The following SGCZ variants were observed in gnomAD, a reference collection of about 807,000 sequenced individuals.
The protein encoded by SGCZ is sarcoglycan zeta, also known as zeta-sarcoglycan.
In SGCZ, 40 loss-of-function variants were observed where a neutral mutation model predicts 41.3. The observed-to-expected ratio is 0.97, with a 90% CI of 0.75 to 1.26. The LOEUF is 1.26. Among genes scored for constraint, SGCZ ranks in the 50% most tolerant of loss-of-function variants. The pLI is 0.00. For missense variants in SGCZ, 552 were observed against 369.8 expected (o/e 1.49, Z -4.04); for synonymous variants, 206 against 137.5 (o/e 1.50, Z -3.49).
intron 1 of SGCZ, among the ~76,000 whole-genome samples, chr8:15,024,850 G>A (rs891368134): frequency 6.6e-6 from 1 of 151,964 alleles, no homozygotes; most frequent in African/African-American, 2.4e-5. Context: ...GCAGGAGAAT[G>A]GCGTGAACCC....
At chr8:14,293,549 T>C (rs1286722747) in intron 3 of SGCZ, among the ~76,000 whole-genome samples, 1 of 151,944 alleles carries the variant, frequency 6.6e-6, no homozygotes, top group Non-Finnish European at 1.5e-5. Flanking sequence ...GATACATATG[T>C]CAATAATTTC....
chr8:14,916,139 T>C (rs1799430078), intron 1 of SGCZ, among the ~76,000 whole-genome samples: 1 of 152,172 alleles, frequency 6.6e-6, no homozygotes, highest in South Asian at 2.1e-4. Context: ...GCAGATAAAT[T>C]TTTTAAATCA....
At chr8:15,038,414 T>G (rs1803945891) in intron 1 of SGCZ, among the ~76,000 whole-genome samples, 1 of 151,876 alleles carries the variant, frequency 6.6e-6, no homozygotes, top group South Asian at 2.1e-4. Flanking sequence ...TGCAGAACAA[T>G]GAAACTAGAC....
intron 1 of SGCZ, among the ~76,000 whole-genome samples, chr8:14,675,647 G>C (rs188772404): frequency 9.9e-4 from 150 of 152,228 alleles, no homozygotes; most frequent in African/African-American, 3.6e-3. Flanking sequence ...AAAATGTGAT[G>C]AGCAAAAACA....
chr8:14,185,694 G>GTTTT (rs1804881314), intron 4 of SGCZ, among the ~76,000 whole-genome samples: 2 of 151,448 alleles, frequency 1.3e-5, no homozygotes, highest in Non-Finnish European at 2.9e-5. Context: ...GTTTTGTTTT[G>GTTTT]GTCTATATCC....
intron 3 of SGCZ, among the ~76,000 whole-genome samples, chr8:14,267,840 A>G (rs1799926863): frequency 6.6e-6 from 1 of 151,968 alleles, no homozygotes; most frequent in African/African-American, 2.4e-5. Flanking sequence ...TGTTTATCTC[A>G]TATTCTTTGC....
At chr8:14,863,139 T>C (rs968928224) in intron 1 of SGCZ, among the ~76,000 whole-genome samples, 2 of 152,094 alleles carry the variant, frequency 1.3e-5, no homozygotes, top group African/African-American at 4.8e-5. Context: ...CAGCCAGGAA[T>C]GGGCAGTGCA....
chr8:14,909,254 G>T (rs1346837961), intron 1 of SGCZ, among the ~76,000 whole-genome samples: 4 of 152,132 alleles, frequency 2.6e-5, no homozygotes. Context: ...ATTATGACTT[G>T]TTAGATTGTG....
At chr8:14,347,998 C>A (rs1329522424) in intron 2 of SGCZ, among the ~76,000 whole-genome samples, 3 of 152,086 alleles carry the variant, frequency 2.0e-5, no homozygotes, top group Non-Finnish European at 2.9e-5. Flanking sequence ...TCCCTTGCAT[C>A]ATGCACGCTT....
Position 14,661,315 on chromosome 8 carries a change from A to T in SGCZ, c.40-106389T>A, listed in dbSNP as rs144079208. ...TTCCATCTGTCATAATTTCAACTAT[A>T]AATATATGAATGCATTTGGACAACC... On this transcript the variant is annotated intron_variant, in intron 1 of 7. Transcript: ENST00000382080. 6.7e-3 allele frequency among the ~76,000 whole-genome samples: 1,013 copies of T among 152,272 alleles called. 6 individuals carry two copies. The highest frequency in any genetic ancestry group is 9.6e-3 in the Non-Finnish European group (651 of 68,020).
chr8:14,213,016 G>C (rs1042753941), intron 4 of SGCZ, among the ~76,000 whole-genome samples: 1 of 151,986 alleles, frequency 6.6e-6, no homozygotes, highest in Non-Finnish European at 1.5e-5. Context: ...GGATTACTCA[G>C]TACAACAAAA....
intron 1 of SGCZ, among the ~76,000 whole-genome samples, chr8:15,046,510 G>T (rs1161220230): frequency 6.6e-6 from 1 of 151,914 alleles, no homozygotes; most frequent in Non-Finnish European, 1.5e-5. Flanking sequence ...CTGCCAGTTT[G>T]CAGTGTTCTT....
At chr8:14,562,359 G>A (rs556380009) in intron 1 of SGCZ, among the ~76,000 whole-genome samples, 4 of 152,146 alleles carry the variant, frequency 2.6e-5, no homozygotes, top group South Asian at 2.1e-4. Flanking sequence ...TGAATCTCAC[G>A]TTTGACGAAA....
At chr8:15,117,591 T>C (rs1476585560) in intron 1 of SGCZ, among the ~76,000 whole-genome samples, 1 of 152,154 alleles carries the variant, frequency 6.6e-6, no homozygotes, top group Non-Finnish European at 1.5e-5. Context: ...ACCTGTAAAA[T>C]ATAGGAAAGA....
intron 4 of SGCZ, among the ~76,000 whole-genome samples, chr8:14,228,046 T>C (rs1485056195): frequency 6.6e-6 from 1 of 151,922 alleles, no homozygotes; most frequent in Non-Finnish European, 1.5e-5. Context: ...TGATCTTCTG[T>C]GTACATATGG....
chr8:14,516,054 C>T (rs1213411385), intron 2 of SGCZ, among the ~76,000 whole-genome samples: 3 of 151,762 alleles, frequency 2.0e-5, no homozygotes, highest in Non-Finnish European at 2.9e-5. Flanking sequence ...TATTGTTAGA[C>T]ATAGTGTGGA....
chr8:14,865,734 A>G (rs1420957788), intron 1 of SGCZ, among the ~76,000 whole-genome samples: 1 of 152,118 alleles, frequency 6.6e-6, no homozygotes, highest in Non-Finnish European at 1.5e-5. Context: ...TTCTAAAAGG[A>G]GTTGGGAGGC....
At chr8:14,552,174 A>G (rs891548057) in intron 2 of SGCZ, among the ~76,000 whole-genome samples, 6 of 152,176 alleles carry the variant, frequency 3.9e-5, no homozygotes, top group African/African-American at 1.4e-4. Context: ...TAGTAAAAAC[A>G]TAACATTGGT....
chr8:15,003,982 C>T (rs1434772430), intron 1 of SGCZ, among the ~76,000 whole-genome samples: 2 of 152,242 alleles, frequency 1.3e-5, no homozygotes, highest in South Asian at 2.1e-4. Flanking sequence ...AACAGGTCAA[C>T]ATGAGCAGGA....
Sources: allele counts gnomAD v4.1 joint callset (sites outside exome capture counted in the v4.1 genomes callset), GRCh38; gene constraint gnomAD v4.1.1; transcripts MANE v1.5; gene names NCBI Gene and HGNC (gene_info 2026-07-23, HGNC 2026-07-21).